Variants in YAE1 observed in about 807,000 individuals in gnomAD.
YAE1 encodes the protein protein YAE1 homolog.
YAE1 carries 22 observed loss-of-function variants against 23.0 expected under a neutral mutation model. The ratio of observed to expected loss-of-function variants is 0.96; its 90% confidence interval spans 0.68 to 1.37. YAE1 has a LOEUF of 1.37. Ranked by LOEUF, YAE1 falls within the 40% of genes most tolerant of loss-of-function variation. YAE1 has a pLI of 0.00. For synonymous variants in YAE1, 101 were observed against 97.0 expected (o/e 1.04, Z -0.24); for missense variants, 260 against 262.1 (o/e 0.99, Z 0.06).
chr7:39,588,321 G>A (rs751490416), intron 2 of YAE1, among the ~76,000 whole-genome samples: 4 of 152,084 alleles, frequency 2.6e-5, no homozygotes, highest in Non-Finnish European at 5.9e-5. Context: ...AGAACAGCCT[G>A]GCCAACATGG....
At chr7:39,598,821 AAAGAG>A (rs890337667) in intron 2 of YAE1, among the ~76,000 whole-genome samples, 1 of 151,924 alleles carries the variant, frequency 6.6e-6, no homozygotes, top group Non-Finnish European at 1.5e-5. Context: ...AGAAGGCAAC[AAAGAG>A]AAGGAGAAGA....
chr7:39,588,909 C>T (rs1338351712), intron 2 of YAE1, among the ~76,000 whole-genome samples: 2 of 152,022 alleles, frequency 1.3e-5, no homozygotes, highest in East Asian at 1.9e-4. Flanking sequence ...CTGCAACCTC[C>T]GTCTTCCGGG....
downstream of YAE1, among the ~76,000 whole-genome samples, chr7:39,574,733 CAAAAAA>C (rs574580885): frequency 0.14 from 10,703 of 78,028 alleles, 972 homozygotes; most frequent in African/African-American, 0.32. Flanking sequence ...ACTCTGTCTC[CAAAAAA>C]AAAAAAAAAA....
At position 39,593,689 on chromosome 7, in the gene YAE1, C is replaced by A. The variant is rs560030449; in HGVS notation, c.252-15928C>A. 5.9e-5 allele frequency among the ~76,000 whole-genome samples: 9 copies of A among 152,248 alleles called. No homozygotes were observed. The East Asian group carries it at 1.7e-3, about 29-fold the overall frequency. ...CCCAGTCTGGTCTCAAACTTCTGAG[C>A]TTAAGCAATCTGCCCACCCCAGCCG... On this transcript the variant is annotated intron_variant, in intron 2 of 2. Transcript: ENST00000432096.
At chr7:39,607,518 A>T (rs1791147391) in intron 2 of YAE1, among the ~76,000 whole-genome samples, 1 of 152,240 alleles carries the variant, frequency 6.6e-6, no homozygotes, top group Non-Finnish European at 1.5e-5. Flanking sequence ...CACCCTGCTC[A>T]CACTGATCTG....
At position 39,566,498 on chromosome 7, in the gene YAE1, C is replaced by A; in HGVS notation, c.80C>A (p.Ser27Ter). The A allele has an allele frequency of 6.2e-7, 1 of 1,614,166 alleles. No individual in the cohort carries two copies. The highest frequency in any genetic ancestry group is 8.5e-7 in the Non-Finnish European group (1 of 1,180,030). The change falls in exon 1 of 3, where the codon TCG becomes TAG. Residue 27 changes from serine (S) to a stop codon, truncating the protein, a stop_gained. Transcript: ENST00000223273. LOFTEE classifies it high-confidence loss of function. ...GDVFDEEADE[S>*]LLAQREWQSN... Reference sequence around the variant, plus strand: ...GTGTTTGACGAAGAAGCAGACGAGTCGCTCCTGGCGCAGCGGGAATGGCAG... The same window carrying A: ...GTGTTTGACGAAGAAGCAGACGAGTAGCTCCTGGCGCAGCGGGAATGGCAG...
downstream of YAE1, among the ~76,000 whole-genome samples, chr7:39,573,744 CTG>C (rs972095613): frequency 2.6e-5 from 4 of 152,116 alleles, no homozygotes; most frequent in African/African-American, 9.7e-5. Context: ...AAAATGTACA[CTG>C]TACTATGACC....
At position 39,572,464 on chromosome 7, in the gene YAE1, C is replaced by G. The variant is rs1416866800; in HGVS notation, c.439C>G (p.Pro147Ala). Residue 147 changes from proline to alanine, a missense_variant, in exon 3 of 3, where the codon CCA (proline) becomes GCA (alanine). Pro to Ala is a conservative substitution (Grantham distance 27, BLOSUM62 -1). Transcript: ENST00000223273. ...IEDMDLCHVV[P>A]AEKKIDEAKD... Reference sequence around the variant, plus strand: ...GGATATGGACCTTTGTCATGTAGTTCCAGCTGAGAAAAAGATTGATGAAGC... The same window carrying G: ...GGATATGGACCTTTGTCATGTAGTTGCAGCTGAGAAAAAGATTGATGAAGC... The G allele has an allele frequency of 1.2e-6, 2 of 1,614,018 alleles. No homozygotes were observed. Among genetic ancestry groups the G allele is most frequent in the Non-Finnish European group, 1.7e-6 (2 of 1,179,976 alleles).
chr7:39,583,146 G>T (rs774555125), intron 2 of YAE1, among the ~76,000 whole-genome samples: 9 of 152,090 alleles, frequency 5.9e-5, no homozygotes, highest in Non-Finnish European at 1.2e-4. Flanking sequence ...TCCACTCAAA[G>T]AAATGTTATG....
chr7:39,581,725 A>G (rs1385768475), intron 2 of YAE1, among the ~76,000 whole-genome samples: 6 of 150,964 alleles, frequency 4.0e-5, no homozygotes, highest in Admixed American at 3.3e-4. Flanking sequence ...TACAAAATCA[A>G]CCGGGCATGG....
At chr7:39,583,669 G>T (rs1431769030) in intron 2 of YAE1, among the ~76,000 whole-genome samples, 1 of 152,164 alleles carries the variant, frequency 6.6e-6, no homozygotes, top group African/African-American at 2.4e-5. Flanking sequence ...TATTTCCCAG[G>T]AGATCTGAGC....
chr7:39,611,812 G>A (rs929636054), downstream of YAE1, among the ~76,000 whole-genome samples: 3 of 152,002 alleles, frequency 2.0e-5, no homozygotes, highest in Admixed American at 6.6e-5. Context: ...TATTTTATTT[G>A]AATATAGAAT....
At chr7:39,603,042 C>T (rs933837981) in intron 2 of YAE1, among the ~76,000 whole-genome samples, 5 of 152,244 alleles carry the variant, frequency 3.3e-5, no homozygotes, top group African/African-American at 1.2e-4. Context: ...AGCCACTGTG[C>T]TAGGTCTAAA....
rs1279280024 is a variant in YAE1, at chr7:39,572,495, A to T, written c.470A>T (p.Asp157Val). ...GAGAAAAAGATTGATGAAGCTAAAG[A>T]TGAAAGACTCTGTGAAAATAATGCT... ...PAEKKIDEAK[D>V]ERLCENNAEF... Residue 157 changes from aspartate to valine, a missense_variant, in exon 3 of 3, where the codon GAT (aspartate) becomes GTT (valine). Coordinates refer to ENST00000223273, the MANE Select transcript of YAE1 (RefSeq NM_020192.5). 1 of 1,614,166 alleles carries T rather than the reference A, an allele frequency of 6.2e-7. No individual in the cohort carries two copies. The highest frequency in any genetic ancestry group is 1.1e-5 in the South Asian group (1 of 91,080).
chr7:39,586,204 A>G (rs1320279510), intron 2 of YAE1, among the ~76,000 whole-genome samples: 1 of 143,434 alleles, frequency 7.0e-6, no homozygotes, highest in Non-Finnish European at 1.5e-5. Flanking sequence ...ATGGAGTCTC[A>G]TTCTGTCGCC....
rs774951517 is a variant in YAE1 at position 39,609,854 on chromosome 7, C to A, written c.489C>A (p.Arg163=). ...CAGGCCCTGGGACGCCGAGCCACCG[C>A]CGGCGTTTCAGACGCAAACCCCACC... Residue 163 remains arginine (R), a synonymous_variant, in exon 3 of 3, where the codon CGC becomes CGA. Transcript: ENST00000432096. 22 of 1,533,388 alleles carry A rather than the reference C, an allele frequency of 1.4e-5. No individual in the cohort carries two copies. In the African/African-American group the frequency reaches 2.6e-4, roughly 18 times the overall value. The allele number at this position is 1,533,388 out of a possible 1,614,324, so 95.0% of individuals were successfully genotyped here.
intron 2 of YAE1, among the ~76,000 whole-genome samples, chr7:39,589,892 AG>A (rs1336468607): frequency 6.6e-6 from 1 of 152,202 alleles, no homozygotes; most frequent in African/African-American, 2.4e-5. Flanking sequence ...ACAGATGATA[AG>A]GTCACACACT....
At chr7:39,589,814 G>A (rs889541920) in intron 2 of YAE1, among the ~76,000 whole-genome samples, 4 of 152,188 alleles carry the variant, frequency 2.6e-5, no homozygotes, top group South Asian at 2.1e-4. Flanking sequence ...CAAGACCAAA[G>A]GAGCTGCAGG....
chr7:39,611,590 G>A (rs960107219), downstream of YAE1, among the ~76,000 whole-genome samples: 4 of 152,222 alleles, frequency 2.6e-5, no homozygotes, highest in African/African-American at 4.8e-5. Flanking sequence ...ATGTTTAAGT[G>A]CTTGAGCTTT....
Sources: gnomAD v4.1 joint callset for allele counts (sites outside exome capture counted in the v4.1 genomes callset) on GRCh38, gnomAD v4.1.1 for gene constraint, MANE v1.5 for transcripts, NCBI Gene and HGNC (gene_info 2026-07-23, HGNC 2026-07-21) for gene names.